Variants in ZC3H3 observed in about 807,000 individuals in gnomAD.
The protein encoded by ZC3H3 is zinc finger CCCH-type containing 3, also known as zinc finger CCCH domain-containing protein 3.
Under a neutral mutation model 77.3 loss-of-function variants are expected in ZC3H3, and 36 were observed. That is an observed-to-expected ratio of 0.47 (90% CI 0.36 to 0.61). The LOEUF is 0.61. Among genes scored for constraint, ZC3H3 ranks in the 20% least tolerant of loss-of-function variants. The probability of loss-of-function intolerance (pLI) is 0.00; values close to 1 mark genes in which losing one functional copy is unlikely to be tolerated. For synonymous variants in ZC3H3, 626 were observed against 555.2 expected, an observed-to-expected ratio of 1.13 and a Z score of -1.79; for missense variants, 1,331 against 1,312.2, an observed-to-expected ratio of 1.01 and a Z score of -0.22.
At chr8:143,527,494 G>C (rs545393280) in intron 3 of ZC3H3, among the ~76,000 whole-genome samples, 1 of 152,160 alleles carries the variant, frequency 6.6e-6, no homozygotes, top group Admixed American at 6.5e-5. Flanking sequence ...GCGATCCCAC[G>C]CCAGTTCTGT....
chr8:143,456,313 C>A (rs1245508207), intron 9 of ZC3H3, among the ~76,000 whole-genome samples: 8 of 152,112 alleles, frequency 5.3e-5, no homozygotes, highest in Admixed American at 5.2e-4. Flanking sequence ...ATAGCAATAA[C>A]CACATTAAAT....
intron 3 of ZC3H3, among the ~76,000 whole-genome samples, chr8:143,525,185 G>T (rs1299576274): frequency 6.7e-6 from 1 of 150,056 alleles, no homozygotes; most frequent in East Asian, 2.0e-4. Flanking sequence ...TGGCCTGGGT[G>T]GCACCTCCCA....
chr8:143,466,024 G>A (rs916590349), intron 8 of ZC3H3, among the ~76,000 whole-genome samples, 176 bp from the exon 9 acceptor site: 3 of 152,172 alleles, frequency 2.0e-5, no homozygotes, highest in African/African-American at 7.2e-5. Flanking sequence ...TCAGAAGTGG[G>A]CCCCAGCCTC....
intron 5 of ZC3H3, among the ~76,000 whole-genome samples, chr8:143,473,320 G>A (rs758318961): frequency 5.3e-5 from 8 of 152,074 alleles, no homozygotes; most frequent in Non-Finnish European, 7.4e-5. Context: ...TGTCCCTTCT[G>A]GGCCCTCTCA....
At position 143,460,812 on chromosome 8, in the gene ZC3H3, A is replaced by G. The variant is rs1423307547; in HGVS notation, c.2307+4905T>C. 6.6e-6 allele frequency among the ~76,000 whole-genome samples: 1 copy of G among 152,194 alleles called. No homozygotes were observed. The highest frequency in any genetic ancestry group is 2.4e-5 in the African/African-American group (1 of 41,442). ...GGACAGATGCTGGATGATTCCACTG[A>G]CGGGACACAGCTAGACCCTGGAAAC... is the stretch of plus-strand genomic sequence containing the variant. On this transcript the variant is annotated intron_variant, in intron 9 of 11. Transcript: ENST00000262577. The surrounding 1 kb of genome is among the most constrained non-coding windows in gnomAD (Gnocchi z 4.0).
chr8:143,472,740 C>T (rs1397606469), intron 5 of ZC3H3, among the ~76,000 whole-genome samples: 1 of 152,244 alleles, frequency 6.6e-6, no homozygotes, highest in Non-Finnish European at 1.5e-5. Flanking sequence ...GACCCAAGGG[C>T]CCCGGTGCGG....
At position 143,530,956 on chromosome 8, in the gene ZC3H3, CTT is replaced by C. The variant is rs3058418; in HGVS notation, c.1561+5299_1561+5300del. ...CCCTTCTGGGGCTGTCTTCTATCTCCTTTTTTTTTTTTTTTTTTTTTGAGACA... is the reference window on the plus strand; with the variant it reads ...CCCTTCTGGGGCTGTCTTCTATCTCCTTTTTTTTTTTTTTTTTTTGAGACA... On this transcript the variant is annotated intron_variant, in intron 3 of 11. Coordinates refer to ENST00000262577, the MANE Select transcript of ZC3H3 (RefSeq NM_015117.3). This position sits in a 1 kb window ranked among gnomAD's most constrained non-coding sequence, Gnocchi z 4.3. Among the ~76,000 whole-genome samples, 954 of 133,496 alleles carry C rather than the reference CTT, an allele frequency of 7.1e-3. 5 individuals are homozygous for C. Among genetic ancestry groups the C allele is most frequent in the African/African-American group, 0.026 (881 of 34,162 alleles). The allele number at this position is 133,496 out of a possible 152,430, so 87.6% of individuals were successfully genotyped here.
At position 143,493,470 on chromosome 8, in the gene ZC3H3, T is replaced by A. The variant is rs556168109; in HGVS notation, c.1715+14276A>T. On this transcript the variant is annotated intron_variant, in intron 4 of 11. Coordinates refer to ENST00000262577, the MANE Select transcript of ZC3H3 (RefSeq NM_015117.3). The surrounding 1 kb of genome is among the most constrained non-coding windows in gnomAD (Gnocchi z 4.8). ...CGAGGCTGCAGGAGGGGTCTGGCCC[T>A]CGGCCACACCTGGAGAAGGTGGAAG... 1.8e-4 allele frequency among the ~76,000 whole-genome samples: 27 copies of A among 152,136 alleles called. No individual in the cohort carries two copies. The highest frequency in any genetic ancestry group is 3.4e-3 in the Middle Eastern group (1 of 294).
In ZC3H3 at chr8:143,493,195, G is replaced by A. The variant is rs1179318333; in HGVS notation, c.1715+14551C>T. 6.7e-6 allele frequency among the ~76,000 whole-genome samples: 1 copy of A among 149,238 alleles called. No homozygotes were observed. On this transcript the variant is annotated intron_variant, in intron 4 of 11. Coordinates refer to ENST00000262577, the MANE Select transcript of ZC3H3 (RefSeq NM_015117.3). This position sits in a 1 kb window ranked among gnomAD's most constrained non-coding sequence, Gnocchi z 4.8. ...TCCTGGCCCAGGGGCTCCCTCCTCA[G>A]GGTCCCGTGTCCTGGCCCAGGGGCT...
chr8:143,528,838 G>A (rs11782064), intron 3 of ZC3H3, among the ~76,000 whole-genome samples: 25,023 of 152,234 alleles, frequency 0.16, 2,232 homozygotes, highest in Admixed American at 0.22. Context: ...CCTCTGGGAG[G>A]GGGGGCGCCT....
chr8:143,525,353 C>A (rs992563729), intron 3 of ZC3H3, among the ~76,000 whole-genome samples: 2 of 152,264 alleles, frequency 1.3e-5, no homozygotes, highest in Non-Finnish European at 2.9e-5. Context: ...GTGGTGCAGG[C>A]ACGGGCGTGG....
At chr8:143,446,802 G>A (rs766413205) in intron 9 of ZC3H3, among the ~76,000 whole-genome samples, 22 of 152,266 alleles carry the variant, frequency 1.4e-4, no homozygotes, top group Admixed American at 5.2e-4. Flanking sequence ...ATGCACTGAG[G>A]CACTGCTTCC....
intron 9 of ZC3H3, among the ~76,000 whole-genome samples, chr8:143,442,431 CCGGG>C (rs1244005146): frequency 4.4e-5 from 1 of 22,620 alleles, no homozygotes; most frequent in Non-Finnish European, 1.2e-4. Context: ...GGCAAGGCCT[CCGGG>C]GGGGGGGGGG....
At chr8:143,470,402 G>T (rs573801525) in intron 5 of ZC3H3, among the ~76,000 whole-genome samples, 1 of 152,342 alleles carries the variant, frequency 6.6e-6, no homozygotes, top group Admixed American at 6.5e-5. Context: ...GGTGATGAGG[G>T]TCTTGGTGCG....
intron 3 of ZC3H3, among the ~76,000 whole-genome samples, chr8:143,510,847 T>C (rs1450859021): frequency 2.2e-4 from 34 of 152,194 alleles, no homozygotes; most frequent in Non-Finnish European, 1.2e-4. Flanking sequence ...CTCCACGTGA[T>C]GCATTCCCGT....
In ZC3H3 at chr8:143,534,326, G is replaced by A. The variant is rs185235202; in HGVS notation, c.1561+1931C>T. 7.6e-4 allele frequency among the ~76,000 whole-genome samples: 113 copies of A among 148,830 alleles called. 1 individual carries two copies. The highest frequency in any genetic ancestry group is 2.5e-3 in the African/African-American group (101 of 40,510). ...GAGATCAATTACGCCCTTCCCTCTA[G>A]TGAGGCAGGACCGCAGCAGCCCCTC... On this transcript the variant is annotated intron_variant, in intron 3 of 11. Transcript: ENST00000262577.
chr8:143,510,602 C>G (rs762428263), intron 3 of ZC3H3, among the ~76,000 whole-genome samples: 3 of 152,186 alleles, frequency 2.0e-5, no homozygotes, highest in Non-Finnish European at 2.9e-5. Context: ...GCCCTGTTCC[C>G]CAGGGTGTGC....
chr8:143,478,536 T>A (rs138603368), intron 4 of ZC3H3, among the ~76,000 whole-genome samples: 25 of 152,072 alleles, frequency 1.6e-4, no homozygotes, highest in African/African-American at 4.8e-4. Flanking sequence ...TGAGATGGAG[T>A]TTTGCTCTTG....
At chr8:143,476,849 C>T (rs1820748301) in intron 4 of ZC3H3, among the ~76,000 whole-genome samples, 1 of 152,226 alleles carries the variant, frequency 6.6e-6, no homozygotes, top group Non-Finnish European at 1.5e-5. Context: ...CTGTGGAGTA[C>T]CTGAGCCCCC....
Sources: allele counts gnomAD v4.1 joint callset (sites outside exome capture counted in the v4.1 genomes callset), GRCh38; gene constraint gnomAD v4.1.1; non-coding constraint Gnocchi (gnomAD v3.1); transcripts MANE v1.5; gene names NCBI Gene and HGNC (gene_info 2026-07-23, HGNC 2026-07-21).